RREB1: variants seen among roughly 807,000 people sequenced by gnomAD.
The protein encoded by RREB1 is ras-responsive element-binding protein 1.
Under a neutral mutation model 117.8 loss-of-function variants are expected in RREB1, and 27 were observed. That is an observed-to-expected ratio of 0.23 (90% confidence interval 0.17 to 0.32). The LOEUF (loss-of-function observed/expected upper bound fraction) is 0.32, where lower values mean the gene tolerates loss of function less well. RREB1 is among the 10% of genes least tolerant of loss of function. The probability of loss-of-function intolerance (pLI) is 1.00; values close to 1 mark genes in which losing one functional copy is unlikely to be tolerated. For synonymous variants in RREB1, 1,298 were observed against 1,026.7 expected (o/e 1.26, Z -5.05); for missense variants, 2,577 against 2,378.2 (o/e 1.08, Z -1.74).
intron 1 of RREB1, among the ~76,000 whole-genome samples, chr6:7,129,033 T>C (rs1762052550): frequency 6.6e-6 from 1 of 152,208 alleles, no homozygotes. Flanking sequence ...ATCTGAAATA[T>C]CCTTAATTGA....
chr6:7,190,169 G>A (rs980758260), intron 6 of RREB1, among the ~76,000 whole-genome samples: 1 of 152,146 alleles, frequency 6.6e-6, no homozygotes, highest in Non-Finnish European at 1.5e-5. Flanking sequence ...TAAGTTTCTT[G>A]ATTTGGGAAC....
At chr6:7,123,120 G>C (rs1452789356) in intron 1 of RREB1, among the ~76,000 whole-genome samples, 1 of 151,892 alleles carries the variant, frequency 6.6e-6, no homozygotes, top group African/African-American at 2.4e-5. Flanking sequence ...TTCTGGATAT[G>C]TTAGACCATC....
chr6:7,151,791 C>T lies in RREB1; in HGVS notation c.-284-24864C>T, dbSNP rs549896758. ...AGTTCTCACAAATCAATTACTGACACGGGAACAGTGTGTAAAAGTCTGAAA... is the reference window on the plus strand; with the variant it reads ...AGTTCTCACAAATCAATTACTGACATGGGAACAGTGTGTAAAAGTCTGAAA... On this transcript the variant is annotated intron_variant, in intron 1 of 12. Transcript: ENST00000379938. 5.9e-5 allele frequency among the ~76,000 whole-genome samples: 9 copies of T among 152,288 alleles called. No individual in the cohort carries two copies. The South Asian group carries it at 1.2e-3, about 21-fold the overall frequency.
chr6:7,150,840 A>C (rs1298469229), intron 1 of RREB1, among the ~76,000 whole-genome samples: 1 of 152,232 alleles, frequency 6.6e-6, no homozygotes, highest in Admixed American at 6.5e-5. Context: ...TGGCGACTGC[A>C]TTTGAGATGG....
intron 1 of RREB1, among the ~76,000 whole-genome samples, chr6:7,143,140 T>C (rs766329793): frequency 8.5e-5 from 13 of 152,238 alleles, no homozygotes; most frequent in Non-Finnish European, 1.3e-4. Flanking sequence ...TTCTCCCATC[T>C]GATGCTGGCT....
intron 6 of RREB1, among the ~76,000 whole-genome samples, chr6:7,204,707 C>T (rs918823712): frequency 6.6e-6 from 1 of 152,130 alleles, no homozygotes; most frequent in African/African-American, 2.4e-5. Flanking sequence ...ACCATTCACT[C>T]AGAGTATCAA....
Position 7,244,237 on chromosome 6 carries a change from C to T in RREB1, c.3974-2187C>T, listed in dbSNP as rs909206478. Among the ~76,000 whole-genome samples the T allele has an allele frequency of 1.3e-4, 20 of 148,764 alleles. 1 individual carries two copies. The highest frequency in any genetic ancestry group is 1.2e-3 in the Admixed American group (17 of 14,782). ...GAGACTGCACCACTGCACTCCAGCC[C>T]GGGTGACAGAGCAAGACTCCATCTC... On this transcript the variant is annotated intron_variant, in intron 11 of 12. Transcript: ENST00000379938.
At chr6:7,112,153 C>T (rs1366696382) in intron 1 of RREB1, among the ~76,000 whole-genome samples, 1 of 152,138 alleles carries the variant, frequency 6.6e-6, no homozygotes, top group African/African-American at 2.4e-5. Flanking sequence ...ATATTAGGTT[C>T]AGAGTATCTT....
chr6:7,244,177 C>T (rs1180813030), intron 11 of RREB1, among the ~76,000 whole-genome samples: 4 of 151,666 alleles, frequency 2.6e-5, no homozygotes, highest in African/African-American at 7.3e-5. Context: ...ACAGGAGAAT[C>T]GCCTGAACCC....
rs111756816 is a variant in RREB1, at chr6:7,220,421, A to AT, written c.708-6036dup. 3.9e-3 allele frequency among the ~76,000 whole-genome samples: 584 copies of AT among 150,864 alleles called. 1 individual carries two copies. The highest frequency in any genetic ancestry group is 0.017 in the Middle Eastern group (5 of 294). On this transcript the variant is annotated intron_variant, in intron 8 of 12. Transcript: ENST00000379938. ...TCATTTGGAGATTTTTCCACTGATG[A>AT]TTTTTTTTTTCTTCCTAAAAGTAAT...
intron 6 of RREB1, among the ~76,000 whole-genome samples, chr6:7,203,916 C>T (rs868121349): frequency 6.6e-6 from 1 of 152,170 alleles, no homozygotes; most frequent in Admixed American, 6.5e-5. Flanking sequence ...TTTGTCATGG[C>T]CTCTGTGGGC....
Position 7,231,899 on chromosome 6 carries a change from C to T in RREB1, c.3800C>T (p.Thr1267Ile), listed in dbSNP as rs755182964. Residue 1267 changes from threonine to isoleucine, a missense_variant, in exon 10 of 13, where the codon ACA (threonine) becomes ATA (isoleucine). Physicochemically the swap from Thr to Ile is moderately conservative, Grantham distance 89 (BLOSUM62 -1). Transcript: ENST00000379938. ...WASSLQRHML[T>I]HTGQKPFPCQ... ...AGCTCCCTACAGAGGCACATGCTCA[C>T]ACACACTGGTAAGAGGGCCACCGGG... 6.3e-7 allele frequency: 1 copy of T among 1,598,454 alleles called. No individual in the cohort carries two copies. The highest frequency in any genetic ancestry group is 1.7e-5 in the Admixed American group (1 of 59,252).
chr6:7,249,090 A>T lies in RREB1; in HGVS notation c.*122A>T. On this transcript the variant is annotated 3_prime_UTR_variant, in exon 13 of 13. Transcript: ENST00000379938. ...GAGAGAGAGAGAGAGAGAGAGAGAG[A>T]GAGAGAGAGAGAGACAAGCAGGAGC... The T allele has an allele frequency of 1.2e-6, 1 of 808,000 alleles. No individual in the cohort carries two copies. Among genetic ancestry groups the T allele is most frequent in the South Asian group, 2.0e-5 (1 of 50,844 alleles). The allele number at this position is 808,000 out of a possible 1,614,324, so 50.1% of individuals were successfully genotyped here. A position where few individuals can be genotyped will look rare whatever the true frequency, so the allele number is the denominator to read the frequency against.
chr6:7,226,571 T>C lies in RREB1; in HGVS notation c.812T>C (p.Ile271Thr), dbSNP rs1196908912. 6.2e-7 allele frequency: 1 copy of C among 1,614,196 alleles called. No individual in the cohort carries two copies. Among genetic ancestry groups the C allele is most frequent in the Admixed American group, 1.7e-5 (1 of 60,024 alleles). ...LPRDAMGRPF[I>T]QNNPSIPAGF... ...AGGGATGCAATGGGCAGACCTTTCATACAGAACAACCCTTCAATTCCTGCT... is the reference window on the plus strand; with the variant it reads ...AGGGATGCAATGGGCAGACCTTTCACACAGAACAACCCTTCAATTCCTGCT... Residue 271 changes from isoleucine to threonine, a missense_variant, in exon 9 of 13, where the codon ATA becomes ACA. Coordinates refer to ENST00000379938, the MANE Select transcript of RREB1 (RefSeq NM_001003699.4).
At chr6:7,222,882 C>T (rs1266677141) in intron 8 of RREB1, among the ~76,000 whole-genome samples, 1 of 152,104 alleles carries the variant, frequency 6.6e-6, no homozygotes, top group Non-Finnish European at 1.5e-5. Context: ...TCTCCATTCC[C>T]TTCATAAAAC....
intron 11 of RREB1, among the ~76,000 whole-genome samples, chr6:7,241,936 C>T (rs922031184): frequency 6.7e-6 from 1 of 149,650 alleles, no homozygotes; most frequent in Non-Finnish European, 1.5e-5. Flanking sequence ...CCAAAGATGA[C>T]CTGGAGTTCA....
intron 1 of RREB1, among the ~76,000 whole-genome samples, chr6:7,175,488 G>A (rs1764454135): frequency 6.6e-6 from 1 of 152,180 alleles, no homozygotes; most frequent in Admixed American, 6.5e-5. Flanking sequence ...TGGATGGGCA[G>A]CTTGTCTGTA....
chr6:7,227,956 G>A (rs1359709584), intron 9 of RREB1, among the ~76,000 whole-genome samples: 1 of 152,084 alleles, frequency 6.6e-6, no homozygotes, highest in African/African-American at 2.4e-5. Context: ...AATCCCAGCT[G>A]CTGGGGAGGC....
chr6:7,236,587 G>A (rs1156802735), intron 10 of RREB1, among the ~76,000 whole-genome samples: 1 of 152,198 alleles, frequency 6.6e-6, no homozygotes, highest in African/African-American at 2.4e-5. Flanking sequence ...TGCAGGGGTG[G>A]AGGAGCAATG....
Sources: gnomAD v4.1 joint callset for allele counts (sites outside exome capture counted in the v4.1 genomes callset) on GRCh38, gnomAD v4.1.1 for gene constraint, MANE v1.5 for transcripts, NCBI Gene and HGNC (gene_info 2026-07-23, HGNC 2026-07-21) for gene names.